Variants in RYR2 observed in about 807,000 individuals in gnomAD.
RYR2 encodes cardiac muscle ryanodine receptor-calcium release channel.
In RYR2, 227 loss-of-function variants were observed where a neutral mutation model predicts 601.1. That is an observed-to-expected ratio of 0.38 (90% CI 0.34 to 0.42). The LOEUF (loss-of-function observed/expected upper bound fraction) is 0.42. RYR2 is among the 10% of genes least tolerant of loss of function. The pLI is 1.00. For missense variants in RYR2, 4,646 were observed against 6,156.5 expected (o/e 0.75, Z 8.21); for synonymous variants, 2,223 against 2,175.1 (o/e 1.02, Z -0.61).
Position 237,487,417 on chromosome 1 carries a change from A to C in RYR2, c.1709-4389A>C, listed in dbSNP as rs1364663654. On this transcript the variant is annotated intron_variant, in intron 17 of 104. Coordinates refer to ENST00000366574, the MANE Select transcript of RYR2 (RefSeq NM_001035.3). The stretch of plus-strand genomic sequence containing the variant: ...ATTTGCTGTTTATTTCAATAAAATT[A>C]AAAATCAAATTTATTTCAGGCTGGG... 2.0e-5 allele frequency among the ~76,000 whole-genome samples: 3 copies of C among 152,176 alleles called. No individual in the cohort carries two copies. In the East Asian group the frequency reaches 5.8e-4, roughly 29 times the overall value.
At chr1:237,707,457 C>A (rs989072413) in intron 68 of RYR2, among the ~76,000 whole-genome samples, 188 bp downstream of exon 68, 2 of 152,090 alleles carry the variant, frequency 1.3e-5, no homozygotes, top group Non-Finnish European at 2.9e-5. Context: ...TAAATAGTTA[C>A]TACTTTTAAG....
intron 21 of RYR2, among the ~76,000 whole-genome samples, chr1:237,502,525 C>A (rs981782136): frequency 6.6e-6 from 1 of 152,096 alleles, no homozygotes; most frequent in Non-Finnish European, 1.5e-5. Context: ...GAAACTGTTC[C>A]AGCTCAGATC....
intron 1 of RYR2, among the ~76,000 whole-genome samples, chr1:237,254,641 T>C (rs1430800601): frequency 6.6e-6 from 1 of 152,232 alleles, no homozygotes; most frequent in East Asian, 1.9e-4. Flanking sequence ...TTCTAAAATA[T>C]GCAAGCAACG....
intron 66 of RYR2, 38 bp downstream of exon 66, chr1:237,702,097 G>T (rs376821434): frequency 2.6e-6 from 3 of 1,133,822 alleles, no homozygotes; most frequent in Admixed American, 3.6e-5. Flanking sequence ...ATTAATTGCT[G>T]CTTCAAGTTT....
At chr1:237,443,888 G>C (rs1046137401) in intron 13 of RYR2, among the ~76,000 whole-genome samples, 13 of 152,242 alleles carry the variant, frequency 8.5e-5, no homozygotes, top group African/African-American at 3.1e-4. Context: ...CAGCTCACCT[G>C]TGAAACCAGC....
At chr1:237,172,576 A>G (rs1677532638) in intron 1 of RYR2, among the ~76,000 whole-genome samples, 1 of 152,112 alleles carries the variant, frequency 6.6e-6, no homozygotes, top group African/African-American at 2.4e-5. Flanking sequence ...GCACACTTTT[A>G]TTAGGAGGGG....
chr1:237,235,794 T>A (rs148668115), intron 1 of RYR2, among the ~76,000 whole-genome samples: 252 of 152,344 alleles, frequency 1.7e-3, no homozygotes, highest in African/African-American at 5.6e-3. Context: ...ACTTGGTCAT[T>A]AAAATAGTTT....
At chr1:237,576,824 A>T (rs1673271558) in intron 29 of RYR2, among the ~76,000 whole-genome samples, 1 of 152,216 alleles carries the variant, frequency 6.6e-6, no homozygotes, top group Non-Finnish European at 1.5e-5. Flanking sequence ...CAGGTATTTC[A>T]TAGAAGCAAC....
chr1:237,552,146 C>T (rs956150172), intron 27 of RYR2, among the ~76,000 whole-genome samples: 3 of 152,080 alleles, frequency 2.0e-5, no homozygotes, highest in Admixed American at 2.0e-4. Context: ...ATGTGGTACA[C>T]GCATTATGAA....
chr1:237,305,653 A>G (rs1693796650), intron 2 of RYR2, among the ~76,000 whole-genome samples: 1 of 152,198 alleles, frequency 6.6e-6, no homozygotes, highest in South Asian at 2.1e-4. Flanking sequence ...GCTGGTCTTG[A>G]ACTCCTGGGC....
intron 26 of RYR2, among the ~76,000 whole-genome samples, chr1:237,549,266 G>A (rs371495798): frequency 7.9e-5 from 12 of 152,262 alleles, no homozygotes; most frequent in African/African-American, 2.6e-4. Context: ...AGGGAAGGAA[G>A]AAAAGACAAG....
intron 2 of RYR2, among the ~76,000 whole-genome samples, chr1:237,285,563 C>T (rs1292459009): frequency 6.6e-6 from 1 of 152,130 alleles, no homozygotes; most frequent in Non-Finnish European, 1.5e-5. Flanking sequence ...AGGGTTCCTT[C>T]TTTCTCTATC....
chr1:237,667,354 T>C (rs1361304631), intron 57 of RYR2, among the ~76,000 whole-genome samples: 5 of 152,316 alleles, frequency 3.3e-5, no homozygotes, highest in Admixed American at 2.0e-4. Flanking sequence ...CGTATTAAAA[T>C]GACACAGTAA....
intron 6 of RYR2, among the ~76,000 whole-genome samples, chr1:237,372,663 C>A (rs1700730809): frequency 6.6e-6 from 1 of 152,176 alleles, no homozygotes; most frequent in Non-Finnish European, 1.5e-5. Context: ...ACTGCATGAG[C>A]TAATAAATGT....
At chr1:237,155,969 C>A (rs2148834946) in intron 1 of RYR2, among the ~76,000 whole-genome samples, 2 of 152,264 alleles carry the variant, frequency 1.3e-5, no homozygotes, top group South Asian at 4.1e-4. Flanking sequence ...ATGTGCTGTC[C>A]CTCTTAATCC....
chr1:237,738,302 A>C (rs545654386), intron 79 of RYR2, among the ~76,000 whole-genome samples: 1 of 152,302 alleles, frequency 6.6e-6, no homozygotes, highest in South Asian at 2.1e-4. Context: ...CATGATACAC[A>C]GTCACTGTTA....
chr1:237,418,169 A>T (rs1705201622), intron 11 of RYR2, among the ~76,000 whole-genome samples: 1 of 152,002 alleles, frequency 6.6e-6, no homozygotes, highest in African/African-American at 2.4e-5. Context: ...CAGCCTCCCG[A>T]GTAGCTGGGA....
intron 1 of RYR2, among the ~76,000 whole-genome samples, chr1:237,062,149 T>C (rs1218891414): frequency 2.6e-5 from 4 of 152,248 alleles, no homozygotes; most frequent in Admixed American, 6.5e-5. Context: ...ATTTCTGCTG[T>C]TTTGTTATAT....
At chr1:237,059,047 G>T (rs958342841) in intron 1 of RYR2, among the ~76,000 whole-genome samples, 28 of 152,030 alleles carry the variant, frequency 1.8e-4, no homozygotes, top group African/African-American at 5.8e-4. Context: ...CTCTGGACAG[G>T]CCTAAAACAA....
Sources: gnomAD v4.1 joint callset for allele counts (sites outside exome capture counted in the v4.1 genomes callset) on GRCh38, gnomAD v4.1.1 for gene constraint, MANE v1.5 for transcripts, NCBI Gene and HGNC (gene_info 2026-07-23, HGNC 2026-07-21) for gene names.